The following CCDC33 variants were observed in gnomAD, a reference collection of about 807,000 sequenced individuals.
CCDC33 encodes coiled-coil domain containing 33, also known as coiled-coil domain-containing protein 33.
Under a neutral mutation model 91.9 loss-of-function variants are expected in CCDC33, and 94 were observed. The ratio of observed to expected loss-of-function variants is 1.02; its 90% CI spans 0.87 to 1.21. CCDC33 has a LOEUF of 1.21. Ranked by LOEUF, CCDC33 falls within the 50% of genes most tolerant of loss-of-function variation. The pLI, the probability that CCDC33 is intolerant of heterozygous loss-of-function variation, is 0.00. For synonymous variants in CCDC33, 396 were observed against 374.5 expected, an observed-to-expected ratio of 1.06 and a Z score of -0.66; for missense variants, 940 against 935.5, an observed-to-expected ratio of 1.00 and a Z score of -0.06.
Position 74,244,286 on chromosome 15 carries a change from C to T in CCDC33, c.185+138C>T, listed in dbSNP as rs1043693372. ...CCCAGAGGGGAGGAGCTGCTGTGGG[C>T]ACTACCTGGCATCTCCGCTGCTGCA... is the stretch of plus-strand genomic sequence containing the variant. On this transcript the variant is annotated intron_variant, in intron 2 of 18. Transcript: ENST00000398814. The surrounding 1 kb of genome is among the most constrained non-coding windows in gnomAD (Gnocchi z 4.2). The T allele has an allele frequency of 6.5e-5, 72 of 1,104,568 alleles. No homozygotes were observed. Among genetic ancestry groups the T allele is most frequent in the Non-Finnish European group, 3.5e-5 (28 of 800,194 alleles). 68.4% of individuals were successfully genotyped at this position (1,104,568 alleles called of 1,614,324 possible).
intron 11 of CCDC33, among the ~76,000 whole-genome samples, chr15:74,322,897 A>G (rs540495414): frequency 2.0e-5 from 3 of 152,278 alleles, no homozygotes; most frequent in Non-Finnish European, 2.9e-5. Context: ...TGCCTGGTCC[A>G]GCAAACCCAC....
At chr15:74,304,797 A>G (rs2059861158) in intron 11 of CCDC33, among the ~76,000 whole-genome samples, 1 of 151,920 alleles carries the variant, frequency 6.6e-6, no homozygotes, top group Non-Finnish European at 1.5e-5. Flanking sequence ...ACCTAAGCTG[A>G]TTTAGAGGGC....
intron 2 of CCDC33, among the ~76,000 whole-genome samples, chr15:74,253,593 A>G (rs1299542647): frequency 6.6e-6 from 1 of 152,076 alleles, no homozygotes; most frequent in Middle Eastern, 3.2e-3. Context: ...ACTGAACACC[A>G]TTATCAGGGA....
In CCDC33 at chr15:74,276,471, G is replaced by A. The variant is rs1158956772; in HGVS notation, c.760-3492G>A. Reference sequence around the variant, plus strand: ...CCCACCACCATCCCCTCCTCTCTCAGCCCCACAGCTGGCCTGTCCCCAAGC... The same window carrying A: ...CCCACCACCATCCCCTCCTCTCTCAACCCCACAGCTGGCCTGTCCCCAAGC... On this transcript the variant is annotated intron_variant, in intron 7 of 18. Transcript: ENST00000398814. 2.0e-5 allele frequency among the ~76,000 whole-genome samples: 3 copies of A among 152,162 alleles called. No homozygotes were observed. In the East Asian group the frequency reaches 5.8e-4, roughly 29 times the overall value.
chr15:74,313,243 C>G (rs1003067336), intron 11 of CCDC33, among the ~76,000 whole-genome samples: 7 of 151,994 alleles, frequency 4.6e-5, no homozygotes, highest in African/African-American at 1.7e-4. Flanking sequence ...GGTGGCCCAC[C>G]CAGATAACTG....
In CCDC33 at chr15:74,239,352, T is replaced by G. The variant is rs563377341; in HGVS notation, c.21+2612T>G. ...AATTCAAGGACCATTAACTCCCTGT[T>G]GTTCCTACCTCCTCCTCTCACCCTA... On this transcript the variant is annotated intron_variant, in intron 1 of 18. Coordinates refer to ENST00000398814, the MANE Select transcript of CCDC33 (RefSeq NM_025055.5). Among the ~76,000 whole-genome samples, 7 of 152,242 alleles carry G rather than the reference T, an allele frequency of 4.6e-5. No individual in the cohort carries two copies. The East Asian group carries it at 1.4e-3, about 29-fold the overall frequency.
In CCDC33 at chr15:74,332,991, C is replaced by T. The variant is rs1349309322; in HGVS notation, c.1938+146C>T. 4 of 953,682 alleles carry T rather than the reference C, an allele frequency of 4.2e-6. No individual in the cohort carries two copies. In the Admixed American group the frequency reaches 1.1e-4, roughly 26 times the overall value. The allele number at this position is 953,682 out of a possible 1,614,324, so 59.1% of individuals were successfully genotyped here. On this transcript the variant is annotated intron_variant, in intron 16 of 18. Transcript: ENST00000398814. ...CCTGGGGGCTCCTGGAATCAGCTCT[C>T]AGGCCTTGGTCTTTTTCTCCTGCGG...
chr15:74,313,289 C>A (rs1486287733), intron 11 of CCDC33, among the ~76,000 whole-genome samples: 2 of 152,152 alleles, frequency 1.3e-5, no homozygotes, highest in African/African-American at 2.4e-5. Flanking sequence ...TTTCCCTTGG[C>A]TCTCTCCCCA....
intron 11 of CCDC33, among the ~76,000 whole-genome samples, chr15:74,327,332 G>A (rs1014152013): frequency 1.3e-5 from 2 of 152,172 alleles, no homozygotes; most frequent in African/African-American, 4.8e-5. Context: ...GTCAAAGCGA[G>A]GTGTTAATAA....
chr15:74,323,119 T>C (rs1312684382), intron 11 of CCDC33, among the ~76,000 whole-genome samples: 1 of 152,016 alleles, frequency 6.6e-6, no homozygotes, highest in East Asian at 1.9e-4. Context: ...TTGACCCTGT[T>C]TTCCTAGCTA....
At chr15:74,313,415 CTTTT>C (rs35519774) in intron 11 of CCDC33, among the ~76,000 whole-genome samples, 4 of 94,166 alleles carry the variant, frequency 4.2e-5, no homozygotes, top group East Asian at 3.3e-4. Flanking sequence ...TTCTTTCTTT[CTTTT>C]TTTTTTTTTT....
chr15:74,217,574 G>T, exon 1 of CCDC33: 1 of 1,238,462 alleles, frequency 8.1e-7, no homozygotes, highest in South Asian at 1.4e-5. Flanking sequence ...TCTTTACTTT[G>T]CCCAAAGGTA....
At chr15:74,231,904 T>C (rs1042261122), upstream of CCDC33, among the ~76,000 whole-genome samples, 3 of 151,916 alleles carry the variant, frequency 2.0e-5, no homozygotes, top group African/African-American at 4.8e-5. Flanking sequence ...ATCCCAGCTA[T>C]TGGGGAGGCT....
rs2059611877 is a variant in CCDC33, at chr15:74,292,905, T to C, written c.1096-2849T>C. ...CTCACCCCATAAGAGACTGATGGGG[T>C]AAAGGCACTGGTCTGGACTGAGGGG... On this transcript the variant is annotated intron_variant, in intron 10 of 18. Transcript: ENST00000398814. 2.6e-5 allele frequency among the ~76,000 whole-genome samples: 4 copies of C among 152,046 alleles called. No individual in the cohort carries two copies. In the South Asian group the frequency reaches 6.2e-4, roughly 24 times the overall value.
At chr15:74,250,622 C>T (rs181170617) in intron 2 of CCDC33, among the ~76,000 whole-genome samples, 56 of 152,312 alleles carry the variant, frequency 3.7e-4, no homozygotes, top group African/African-American at 1.3e-3. Context: ...TATGTGCGTA[C>T]TCTTTGCCAG....
intron 17 of CCDC33, among the ~76,000 whole-genome samples, chr15:74,334,361 C>G (rs892786323): frequency 6.7e-6 from 1 of 149,192 alleles, no homozygotes; most frequent in Non-Finnish European, 1.5e-5. Flanking sequence ...TGACCAGGGT[C>G]AGGGTTCAGT....
chr15:74,249,218 G>A (rs1026553822), intron 2 of CCDC33, among the ~76,000 whole-genome samples: 2 of 152,070 alleles, frequency 1.3e-5, no homozygotes, highest in East Asian at 1.9e-4. Context: ...CGGGTGCAGC[G>A]GCTCACACCT....
At chr15:74,215,886 A>AAAAAAG (rs1347849570), upstream of CCDC33, among the ~76,000 whole-genome samples, 5 of 113,836 alleles carry the variant, frequency 4.4e-5, no homozygotes, top group African/African-American at 1.2e-4. Context: ...AAAAAAAAAA[A>AAAAAAG]AAAGAAAGAA....
chr15:74,288,322 A>G (rs2059519122), intron 10 of CCDC33, among the ~76,000 whole-genome samples: 2 of 152,056 alleles, frequency 1.3e-5, no homozygotes, highest in South Asian at 4.2e-4. Context: ...ACCCACTCTC[A>G]TTCCTCTTCC....
Sources: gnomAD v4.1 joint callset for allele counts (sites outside exome capture counted in the v4.1 genomes callset) on GRCh38, gnomAD v4.1.1 for gene constraint, Gnocchi (gnomAD v3.1) non-coding constraint, MANE v1.5 for transcripts, NCBI Gene and HGNC (gene_info 2026-07-23, HGNC 2026-07-21) for gene names.